The following POM121 variants were observed in gnomAD, a reference collection of about 807,000 sequenced individuals.
The protein encoded by POM121 is nuclear envelope pore membrane protein POM 121.
A neutral mutation model predicts 81.3 loss-of-function variants in POM121; 32 were observed. That is an observed-to-expected ratio of 0.39 (90% confidence interval 0.30 to 0.53). The LOEUF is 0.53. Ranked by LOEUF, POM121 falls within the 20% of genes least tolerant of loss-of-function variation. The pLI, the probability that POM121 is intolerant of heterozygous loss-of-function variation, is 0.66. For synonymous variants in POM121, 514 were observed against 694.2 expected (o/e 0.74, Z 4.08); for missense variants, 1,138 against 1,614.6 (o/e 0.70, Z 5.06).
chr7:72,946,596 G>A lies in POM121; in HGVS notation c.*362G>A, dbSNP rs1265107767. The A allele has an allele frequency of 9.6e-7, 1 of 1,036,932 alleles. No individual in the cohort carries two copies. The highest frequency in any genetic ancestry group is 1.2e-6 in the Non-Finnish European group (1 of 863,186). The allele number at this position is 1,036,932 out of a possible 1,614,324, so 64.2% of individuals were successfully genotyped here. A position where few individuals can be genotyped will look rare whatever the true frequency, so the allele number is the denominator to read the frequency against. On this transcript the variant is annotated 3_prime_UTR_variant, in exon 13 of 13. Transcript: ENST00000434423. ...TTTCCCCGAGACCGTCGTCGCTGGA[G>A]GGGGCAGGGTCCAGCCCGCCTGGAT...
At position 72,943,365 on chromosome 7, in the gene POM121, C is replaced by T. The variant is rs782515190; in HGVS notation, c.3372C>T (p.Thr1124=). Reference sequence around the variant, plus strand: ...CCACCCCAGGCTCCAGCACCACCACCGGAGCTTTCAGCTTTGGAGCAGGAC... The same window carrying T: ...CCACCCCAGGCTCCAGCACCACCACTGGAGCTTTCAGCTTTGGAGCAGGAC... The part of the protein sequence containing the change: ...NVATPGSSTT[T]GAFSFGAGQS... Residue 1124 remains threonine (T), a synonymous_variant, in exon 11 of 13, where the codon ACC becomes ACT. Coordinates refer to ENST00000434423, the MANE Select transcript of POM121 (RefSeq NM_001387691.1). The T allele has an allele frequency of 4.7e-5, 76 of 1,612,906 alleles. 1 individual carries two copies. Among genetic ancestry groups the T allele is most frequent in the South Asian group, 9.9e-5 (9 of 90,976 alleles).
At chr7:72,887,494 A>G (rs1554490236) in intron 1 of POM121, among the ~76,000 whole-genome samples, 1 of 152,140 alleles carries the variant, frequency 6.6e-6, no homozygotes, top group Non-Finnish European at 1.5e-5. Flanking sequence ...CATCACTCAT[A>G]GATAACTCTA....
chr7:72,928,223 T>A (rs184719312), intron 3 of POM121, among the ~76,000 whole-genome samples, 162 bp from the exon 4 acceptor site: 1 of 151,970 alleles, frequency 6.6e-6, no homozygotes, highest in East Asian at 1.9e-4. Flanking sequence ...AAAAAAAAAA[T>A]TTACCTTTCA....
chr7:72,880,015 G>A (rs1241531489), intron 1 of POM121: 4 of 365,710 alleles, frequency 1.1e-5, no homozygotes, highest in Non-Finnish European at 2.2e-5. Context: ...TGGGTTTGAG[G>A]GCAAGGTCCG....
chr7:72,943,155 G>C lies in POM121; in HGVS notation c.3162G>C (p.Gln1054His), dbSNP rs782669472. The C allele has an allele frequency of 6.8e-6, 11 of 1,613,286 alleles. No individual in the cohort carries two copies. The highest frequency in any genetic ancestry group is 4.4e-5 in the South Asian group (4 of 91,056). ...ASAFGAPASS[Q>H]PAFGGSTAVF... ...CCTTCGGCGCTCCCGCCAGCTCACA[G>C]CCCGCCTTTGGCGGCTCCACTGCTG... Residue 1054 changes from glutamine (Q) to histidine (H), a missense_variant, in exon 11 of 13, where the codon CAG becomes CAC. Physicochemically the swap from Gln to His is conservative, Grantham distance 24. Around this residue, in one of 7 missense-constraint regions of POM121, gnomAD observed 336 missense variants for 344.3 expected, o/e 0.98. Coordinates refer to ENST00000434423, the MANE Select transcript of POM121 (RefSeq NM_001387691.1).
rs1797502331 is a variant in POM121 at position 72,944,789 on chromosome 7, G to C, written c.3530-797G>C. Among the ~76,000 whole-genome samples the C allele has an allele frequency of 2.0e-5, 3 of 152,122 alleles. No homozygotes were observed. The South Asian group carries it at 6.2e-4, about 32-fold the overall frequency. On this transcript the variant is annotated intron_variant, in intron 11 of 12. Transcript: ENST00000434423. ...GTGTGGCTGCAGGAGTGGTGGCAGG[G>C]GTCGGGGAGAGGAGGTCATGGGGGT...
At chr7:72,922,629 C>T (rs1172888855), upstream of POM121, among the ~76,000 whole-genome samples, 5 of 151,710 alleles carry the variant, frequency 3.3e-5, no homozygotes, top group South Asian at 2.1e-4. Flanking sequence ...GAGCTCAAAG[C>T]GATCCGCCCA....
At chr7:72,899,385 A>C (rs1347344051) in intron 3 of POM121, among the ~76,000 whole-genome samples, 2 of 152,230 alleles carry the variant, frequency 1.3e-5, no homozygotes, top group South Asian at 2.1e-4. Context: ...GATGCAAATG[A>C]CTGTATCCCC....
At chr7:72,922,531 C>T (rs1554496146), upstream of POM121, among the ~76,000 whole-genome samples, 1 of 151,606 alleles carries the variant, frequency 6.6e-6, no homozygotes, top group Admixed American at 6.6e-5. Context: ...GTACTACAGG[C>T]ACGTGGCACC....
At chr7:72,896,943 G>A (rs1307095017) in intron 3 of POM121, among the ~76,000 whole-genome samples, 5 of 152,284 alleles carry the variant, frequency 3.3e-5, no homozygotes, top group African/African-American at 1.2e-4. Context: ...TGTCAAGGCC[G>A]GGCGTGGTGG....
intron 1 of POM121, among the ~76,000 whole-genome samples, chr7:72,889,827 TA>T (rs1186563766): frequency 4.0e-4 from 61 of 152,182 alleles, no homozygotes; most frequent in African/African-American, 1.4e-3. Flanking sequence ...CCCAACCTCT[TA>T]AAAATTGAAG....
intron 3 of POM121, among the ~76,000 whole-genome samples, chr7:72,902,255 C>CTT (rs1210238081): frequency 3.6e-4 from 46 of 126,606 alleles, no homozygotes; most frequent in Admixed American, 1.4e-3. Context: ...CTTTTTCTTT[C>CTT]TTTTTTTTTT....
chr7:72,949,387 A>G (rs781966335), downstream of POM121: 2 of 1,012,344 alleles, frequency 2.0e-6, no homozygotes, highest in South Asian at 1.3e-5. Context: ...GGAGACCGCC[A>G]GGAAGTCCTC....
intron 1 of POM121, among the ~76,000 whole-genome samples, chr7:72,889,348 A>T (rs1265296471): frequency 5.3e-5 from 8 of 152,182 alleles, no homozygotes; most frequent in African/African-American, 1.9e-4. Flanking sequence ...CCCCTTGTTG[A>T]TATGTTCTTT....
intron 5 of POM121, among the ~76,000 whole-genome samples, chr7:72,931,477 G>A (rs1417262501): frequency 2.6e-5 from 4 of 151,854 alleles, no homozygotes; most frequent in Non-Finnish European, 5.9e-5. Context: ...ATTTATGATA[G>A]TAGGATTTTT....
At chr7:72,893,093 G>A (rs1791469335) in intron 3 of POM121, among the ~76,000 whole-genome samples, 1 of 152,076 alleles carries the variant, frequency 6.6e-6, no homozygotes, top group Admixed American at 6.5e-5. Flanking sequence ...GAGTAGCTGA[G>A]ATTACAGGCG....
At chr7:72,902,780 T>C (rs1193270877) in intron 3 of POM121, among the ~76,000 whole-genome samples, 2 of 152,224 alleles carry the variant, frequency 1.3e-5, no homozygotes, top group African/African-American at 4.8e-5. Context: ...TCTGCCTGCC[T>C]CAACCTCCCA....
At chr7:72,883,774 T>C (rs1790401038) in intron 1 of POM121, among the ~76,000 whole-genome samples, 1 of 152,112 alleles carries the variant, frequency 6.6e-6, no homozygotes, top group Non-Finnish European at 1.5e-5. Flanking sequence ...ACGTGTTACC[T>C]TCTTTGTTTT....
At chr7:72,904,310 ACTT>A (rs1322838083) in intron 3 of POM121, among the ~76,000 whole-genome samples, 1 of 152,168 alleles carries the variant, frequency 6.6e-6, no homozygotes, top group African/African-American at 2.4e-5. Flanking sequence ...ACTCTCCACA[ACTT>A]CTCCCATGCT....
Sources: gnomAD v4.1 joint callset for allele counts (sites outside exome capture counted in the v4.1 genomes callset) on GRCh38, gnomAD v4.1.1 for gene constraint, gnomAD v4.1.1 regional missense constraint, MANE v1.5 for transcripts, NCBI Gene and HGNC (gene_info 2026-07-23, HGNC 2026-07-21) for gene names.